Variants in GRIP2 observed in about 807,000 individuals in gnomAD.
GRIP2 encodes glutamate receptor-interacting protein 2.
GRIP2 carries 58 observed loss-of-function variants against 108.3 expected under a neutral mutation model. That is an observed-to-expected ratio of 0.54 (90% CI 0.43 to 0.67). The LOEUF is 0.67. GRIP2 is among the 30% of genes least tolerant of loss of function. GRIP2 has a pLI of 0.00. For missense variants in GRIP2, 1,278 were observed against 1,430.6 expected (o/e 0.89, Z 1.72); for synonymous variants, 586 against 598.2 (o/e 0.98, Z 0.30).
At chr3:14,559,225 T>G (rs1695283488), upstream of GRIP2, among the ~76,000 whole-genome samples, 1 of 152,086 alleles carries the variant, frequency 6.6e-6, no homozygotes, top group African/African-American at 2.4e-5. Flanking sequence ...CAAATGAACA[T>G]GAAGCTCCTC....
the GRIP2 span, among the ~76,000 whole-genome samples, chr3:14,595,800 T>G: frequency 1.3e-5 from 2 of 152,208 alleles, no homozygotes; most frequent in African/African-American, 4.8e-5. Context: ...ATCCTCGTGG[T>G]GGGGCCATGG....
intron 1 of GRIP2, among the ~76,000 whole-genome samples, chr3:14,529,636 T>G (rs1055692321): frequency 3.6e-5 from 5 of 137,864 alleles, no homozygotes; most frequent in African/African-American, 1.3e-4. Context: ...TGTTTTTATA[T>G]TTTGCTCTTC....
intron 1 of GRIP2, among the ~76,000 whole-genome samples, chr3:14,532,643 G>A (rs1694738522): frequency 6.6e-6 from 1 of 152,072 alleles, no homozygotes; most frequent in South Asian, 2.1e-4. Flanking sequence ...CCTGGGTCAG[G>A]GGTGGGGCTC....
At chr3:14,497,450 G>A (rs183001178) in intron 21 of GRIP2, among the ~76,000 whole-genome samples, 198 of 152,304 alleles carry the variant, frequency 1.3e-3, no homozygotes, top group African/African-American at 4.5e-3. Context: ...GGACAAGGAC[G>A]AAGAGGCCCA....
intron 1 of GRIP2, among the ~76,000 whole-genome samples, chr3:14,526,549 C>G (rs1694559023): frequency 6.6e-6 from 1 of 152,182 alleles, no homozygotes; most frequent in Admixed American, 6.5e-5. Flanking sequence ...AGTCTGTCCT[C>G]CTTCACTCTA....
intron 20 of GRIP2, 48 bp from the exon 21 acceptor site, chr3:14,503,719 C>T (rs1347931793): frequency 2.2e-4 from 17 of 77,266 alleles, no homozygotes; most frequent in South Asian, 9.5e-4. Flanking sequence ...GGCGGGTGGG[C>T]GGGCTGGGGC....
the GRIP2 span, among the ~76,000 whole-genome samples, chr3:14,585,257 G>A: frequency 6.6e-5 from 10 of 152,210 alleles, no homozygotes; most frequent in Non-Finnish European, 1.5e-5. Flanking sequence ...TCCTGACCTC[G>A]TGATGCACCT....
At position 14,511,654 on chromosome 3, in the gene GRIP2, TC is replaced by T; in HGVS notation, c.1721-176del. 6.6e-6 allele frequency among the ~76,000 whole-genome samples: 1 copy of T among 152,204 alleles called. No homozygotes were observed. The highest frequency in any genetic ancestry group is 1.9e-4 in the East Asian group (1 of 5,168). ...CAGCTCACCTCCCTGTGCATCAGTT[TC>T]CCCCCTGTAAAATGGGGGTGGCACC... is the stretch of plus-strand genomic sequence containing the variant. On this transcript the variant is annotated intron_variant, in intron 14 of 23. Transcript: ENST00000621039. This position sits in a 1 kb window ranked among gnomAD's most constrained non-coding sequence, Gnocchi z 4.1.
intron 16 of GRIP2, among the ~76,000 whole-genome samples, chr3:14,510,922 T>A (rs898680985): frequency 6.6e-6 from 1 of 152,192 alleles, no homozygotes; most frequent in Non-Finnish European, 1.5e-5. Flanking sequence ...GTGCTAGATG[T>A]GGAGACTACG....
the GRIP2 span, among the ~76,000 whole-genome samples, chr3:14,602,985 C>T: frequency 6.8e-6 from 1 of 147,596 alleles, no homozygotes; most frequent in Non-Finnish European, 1.5e-5. This position sits in a 1 kb window ranked among gnomAD's most constrained non-coding sequence, Gnocchi z 4.7. Context: ...CCCCGCATCC[C>T]CGCGGCCGCC....
intron 1 of GRIP2, among the ~76,000 whole-genome samples, chr3:14,549,051 A>G (rs1342957612): frequency 6.6e-6 from 1 of 152,024 alleles, no homozygotes; most frequent in Non-Finnish European, 1.5e-5. Context: ...TTTCCACTAA[A>G]TGGGAGATCC....
At chr3:14,503,340 C>T (rs1190889882) in intron 21 of GRIP2, among the ~76,000 whole-genome samples, 2 of 152,276 alleles carry the variant, frequency 1.3e-5, no homozygotes, top group African/African-American at 4.8e-5. Context: ...CATGTCCACA[C>T]AGATAATGTG....
At chr3:14,496,868 C>T (rs570658742) in intron 21 of GRIP2, among the ~76,000 whole-genome samples, 1 of 152,284 alleles carries the variant, frequency 6.6e-6, no homozygotes, top group South Asian at 2.1e-4. Flanking sequence ...AAGTAAATAC[C>T]ACTTTTTTCC....
chr3:14,576,386 C>T, the GRIP2 span, among the ~76,000 whole-genome samples: 67 of 152,246 alleles, frequency 4.4e-4, no homozygotes, highest in African/African-American at 1.6e-3. Context: ...GGTCACACAG[C>T]TCATCAGCAG....
chr3:14,545,787 C>T (rs1217250258), upstream of GRIP2, among the ~76,000 whole-genome samples: 3 of 152,208 alleles, frequency 2.0e-5, no homozygotes, highest in Non-Finnish European at 4.4e-5. Flanking sequence ...TGATCATGGC[C>T]CTGCCCTGTC....
At position 14,522,093 on chromosome 3, in the gene GRIP2, G is replaced by C; in HGVS notation, c.567-306C>G. The C allele has an allele frequency of 3.0e-6, 1 of 337,704 alleles. No homozygotes were observed. Among genetic ancestry groups the C allele is most frequent in the Non-Finnish European group, 5.4e-6 (1 of 186,838 alleles). 20.9% of individuals were successfully genotyped at this position (337,704 alleles called of 1,614,324 possible). Reference sequence around the variant, plus strand: ...GAACCCTGAAATGTCTGAGCTGGGGGTGCTCTTCAAGCGTCACCCCCAACT... The same window carrying C: ...GAACCCTGAAATGTCTGAGCTGGGGCTGCTCTTCAAGCGTCACCCCCAACT... On this transcript the variant is annotated intron_variant, in intron 6 of 23. Transcript: ENST00000621039. The surrounding 1 kb of genome is among the most constrained non-coding windows in gnomAD (Gnocchi z 4.3).
At chr3:14,581,789 T>C in the GRIP2 span, among the ~76,000 whole-genome samples, 2 of 152,164 alleles carry the variant, frequency 1.3e-5, no homozygotes, top group Non-Finnish European at 2.9e-5. Flanking sequence ...CTTGGGCAAG[T>C]TGGGGTTGGG....
intron 23 of GRIP2, 82 bp downstream of exon 23, chr3:14,494,761 G>T: frequency 6.8e-7 from 1 of 1,475,328 alleles, no homozygotes. Flanking sequence ...CCTCTTCACA[G>T]GCGATAGATG....
the GRIP2 span, among the ~76,000 whole-genome samples, chr3:14,575,569 T>C: frequency 6.6e-6 from 1 of 152,176 alleles, no homozygotes; most frequent in Non-Finnish European, 1.5e-5. Context: ...TCCTGTGGGA[T>C]ATTCGCTTTA....
Sources: gnomAD v4.1 joint callset for allele counts (sites outside exome capture counted in the v4.1 genomes callset) on GRCh38, gnomAD v4.1.1 for gene constraint, Gnocchi (gnomAD v3.1) non-coding constraint, MANE v1.5 for transcripts, NCBI Gene and HGNC (gene_info 2026-07-23, HGNC 2026-07-21) for gene names.